INVS: variants seen among roughly 807,000 people sequenced by gnomAD.
INVS encodes inversion of embryo turning homolog.
INVS carries 86 observed loss-of-function variants against 108.8 expected under a neutral mutation model. The ratio of observed to expected loss-of-function variants is 0.79; its 90% confidence interval spans 0.66 to 0.95. The LOEUF (loss-of-function observed/expected upper bound fraction) is 0.95, where lower values mean the gene tolerates loss of function less well. Among genes scored for constraint, INVS ranks in the 40% least tolerant of loss-of-function variants. The pLI is 0.00. For synonymous variants in INVS, 455 were observed against 473.5 expected (o/e 0.96, Z 0.51); for missense variants, 1,169 against 1,297.4 (o/e 0.90, Z 1.52).
At chr9:100,192,580 A>G (rs986109477) in intron 3 of INVS, among the ~76,000 whole-genome samples, 1 of 152,164 alleles carries the variant, frequency 6.6e-6, no homozygotes, top group East Asian at 1.9e-4. Flanking sequence ...CTAAAAGTGC[A>G]ATGATCTTTA....
At position 100,239,585 on chromosome 9, in the gene INVS, A is replaced by C. The variant is rs556587060; in HGVS notation, c.616-475A>C. ...CTTTTTATAATTAAATATGAAAATAATTTTTTAAAGATTTAGACTTTGTAC... is the reference window on the plus strand; with the variant it reads ...CTTTTTATAATTAAATATGAAAATACTTTTTTAAAGATTTAGACTTTGTAC... On this transcript the variant is annotated intron_variant, in intron 5 of 16. Coordinates refer to ENST00000262457, the MANE Select transcript of INVS (RefSeq NM_014425.5). Among the ~76,000 whole-genome samples the C allele has an allele frequency of 2.0e-5, 3 of 152,280 alleles. No individual in the cohort carries two copies. The East Asian group carries it at 5.8e-4, about 29-fold the overall frequency.
intron 3 of INVS, among the ~76,000 whole-genome samples, chr9:100,197,702 C>T (rs1194446307): frequency 6.6e-6 from 1 of 152,142 alleles, no homozygotes; most frequent in East Asian, 1.9e-4. Context: ...GAGGGGGAAA[C>T]CCATTAAGGC....
At chr9:100,124,840 T>C (rs1166179758) in intron 2 of INVS, among the ~76,000 whole-genome samples, 2 of 152,240 alleles carry the variant, frequency 1.3e-5, no homozygotes. Flanking sequence ...TTTTCTGTAT[T>C]ATGAGACTCT....
At chr9:100,218,758 A>G (rs1831060642) in intron 3 of INVS, among the ~76,000 whole-genome samples, 1 of 152,186 alleles carries the variant, frequency 6.6e-6, no homozygotes, top group African/African-American at 2.4e-5. Flanking sequence ...CTTTATAGGA[A>G]GCTGTTTATC....
In INVS at chr9:100,273,180, T is replaced by G. The variant is rs11999405; in HGVS notation, c.1784+104T>G. On this transcript the variant is annotated intron_variant, in intron 12 of 16. Transcript: ENST00000262457. ...GCCAGGAGAGGGAAACAGATGAGAA[T>G]CTGAATTACTGTTGGTCCCTGCAAC... is the stretch of plus-strand genomic sequence containing the variant. The G allele has an allele frequency of 9.5e-4, 790 of 831,308 alleles. 5 individuals are homozygous for G. In the African/African-American group the frequency reaches 0.012, roughly 13 times the overall value. The allele number at this position is 831,308 out of a possible 1,614,324, so 51.5% of individuals were successfully genotyped here.
chr9:100,268,670 GTTA>G (rs1324159072), intron 11 of INVS, among the ~76,000 whole-genome samples: 2 of 152,048 alleles, frequency 1.3e-5, no homozygotes, highest in Non-Finnish European at 2.9e-5. Context: ...TGTTTATTAT[GTTA>G]TTCTCTCTAC....
chr9:100,123,619 G>A (rs575993894), intron 2 of INVS, among the ~76,000 whole-genome samples: 93 of 152,206 alleles, frequency 6.1e-4, no homozygotes, highest in African/African-American at 2.1e-3. Context: ...TTTCTCTTGG[G>A]TACATACTTG....
chr9:100,125,884 C>T (rs968949706), intron 2 of INVS, among the ~76,000 whole-genome samples: 2 of 152,066 alleles, frequency 1.3e-5, no homozygotes, highest in Non-Finnish European at 2.9e-5. Context: ...CTGGGTTTCA[C>T]CATGTTGGTC....
chr9:100,254,838 A>G (rs1832363189), intron 10 of INVS, among the ~76,000 whole-genome samples: 1 of 152,192 alleles, frequency 6.6e-6, no homozygotes, highest in South Asian at 2.1e-4. Context: ...TACAGTTTGA[A>G]GTCAGGTAGC....
At chr9:100,183,900 A>C (rs1829975481) in intron 3 of INVS, among the ~76,000 whole-genome samples, 1 of 151,870 alleles carries the variant, frequency 6.6e-6, no homozygotes, top group Non-Finnish European at 1.5e-5. Context: ...TATTTAAAGC[A>C]AAAATTATAA....
chr9:100,187,630 G>A (rs904619817), intron 3 of INVS, among the ~76,000 whole-genome samples: 76 of 147,796 alleles, frequency 5.1e-4, no homozygotes, highest in African/African-American at 1.6e-3. Flanking sequence ...AGGTTCAAGC[G>A]ATTCTCCTGC....
chr9:100,172,185 A>T (rs1010615256), intron 3 of INVS, among the ~76,000 whole-genome samples: 17 of 152,172 alleles, frequency 1.1e-4, no homozygotes. Flanking sequence ...CAGTTCTAAG[A>T]ATAACATTGG....
At chr9:100,140,637 G>T (rs1286933828) in intron 3 of INVS, among the ~76,000 whole-genome samples, 1 of 152,116 alleles carries the variant, frequency 6.6e-6, no homozygotes, top group Non-Finnish European at 1.5e-5. Flanking sequence ...AAATAGTGGT[G>T]AAGTGTTGGG....
chr9:100,103,000 G>A (rs964365564), intron 1 of INVS, among the ~76,000 whole-genome samples: 7 of 151,828 alleles, frequency 4.6e-5, no homozygotes, highest in South Asian at 2.1e-4. Flanking sequence ...TTATGGGCAC[G>A]CGCCACCACG....
chr9:100,219,881 GATATATAT>G (rs61219577), intron 3 of INVS, among the ~76,000 whole-genome samples: 25,798 of 148,042 alleles, frequency 0.17, 3,248 homozygotes, highest in African/African-American at 0.37. Flanking sequence ...GTCGTTTATG[GATATATAT>G]ATATATATAT....
chr9:100,201,093 T>G (rs1220165129), intron 3 of INVS, among the ~76,000 whole-genome samples: 1 of 152,236 alleles, frequency 6.6e-6, no homozygotes, highest in Admixed American at 6.5e-5. Flanking sequence ...CAAATTGATT[T>G]AGACAGTTTA....
At chr9:100,178,215 C>G (rs897896631) in intron 3 of INVS, among the ~76,000 whole-genome samples, 1 of 152,096 alleles carries the variant, frequency 6.6e-6, no homozygotes, top group African/African-American at 2.4e-5. Context: ...ACCAGAACAC[C>G]TCTTCTTCTG....
chr9:100,264,442 AC>A (rs1381512698), intron 10 of INVS, among the ~76,000 whole-genome samples: 3 of 151,868 alleles, frequency 2.0e-5, no homozygotes, highest in Non-Finnish European at 4.4e-5. Context: ...ACATGACAAA[AC>A]CCTGTCTCTA....
chr9:100,274,253 G>C (rs1038809268), intron 12 of INVS, among the ~76,000 whole-genome samples: 4 of 152,066 alleles, frequency 2.6e-5, no homozygotes, highest in Admixed American at 2.0e-4. Context: ...AGCTACTCGG[G>C]AGGCTGAGGC....
Sources: gnomAD v4.1 joint callset for allele counts (sites outside exome capture counted in the v4.1 genomes callset) on GRCh38, gnomAD v4.1.1 for gene constraint, MANE v1.5 for transcripts, NCBI Gene and HGNC (gene_info 2026-07-23, HGNC 2026-07-21) for gene names.